Variants in ARSB observed in about 807,000 individuals in gnomAD.
ARSB encodes arylsulfatase B.
In ARSB, 41 loss-of-function variants were observed where a neutral mutation model predicts 50.9. The observed-to-expected ratio is 0.81, with a 90% CI of 0.63 to 1.04. The LOEUF is 1.04. Among genes scored for constraint, ARSB ranks in the 50% least tolerant of loss-of-function variants. The probability of loss-of-function intolerance (pLI) is 0.00; values close to 1 mark genes in which losing one functional copy is unlikely to be tolerated. For missense variants in ARSB, 672 were observed against 693.3 expected, an observed-to-expected ratio of 0.97 and a Z score of 0.35; for synonymous variants, 269 against 284.8, an observed-to-expected ratio of 0.94 and a Z score of 0.56.
intron 6 of ARSB, among the ~76,000 whole-genome samples, chr5:78,818,475 C>T (rs1744085170): frequency 6.6e-6 from 1 of 152,122 alleles, no homozygotes; most frequent in African/African-American, 2.4e-5. Flanking sequence ...CAGGGCTTTA[C>T]CCAAACTACA....
chr5:78,944,246 G>A (rs954420491), intron 4 of ARSB, among the ~76,000 whole-genome samples: 4 of 152,152 alleles, frequency 2.6e-5, no homozygotes, highest in African/African-American at 9.7e-5. Context: ...GCTCGGAGAA[G>A]TTTGATCGTC....
intron 5 of ARSB, among the ~76,000 whole-genome samples, chr5:78,851,105 T>G (rs1745751002): frequency 6.6e-6 from 1 of 152,218 alleles, no homozygotes; most frequent in Admixed American, 6.5e-5. Context: ...CTGCTAGCTT[T>G]TGAATGTGTT....
intron 4 of ARSB, among the ~76,000 whole-genome samples, chr5:78,919,484 C>CATTT (rs202013064): frequency 0.014 from 2,176 of 151,854 alleles, 45 homozygotes; most frequent in South Asian, 0.09. Context: ...TTCATTTATT[C>CATTT]ATTTATTTAT....
chr5:78,810,302 T>C (rs1414690679), intron 6 of ARSB, among the ~76,000 whole-genome samples: 1 of 152,222 alleles, frequency 6.6e-6, no homozygotes, highest in Non-Finnish European at 1.5e-5. Flanking sequence ...CATGACTTTC[T>C]TGTACCCTTG....
intron 6 of ARSB, chr5:78,783,340 G>C (rs926393687): frequency 6.6e-6 from 1 of 151,986 alleles, no homozygotes; most frequent in African/African-American, 2.4e-5. Flanking sequence ...CTGTGCTCCT[G>C]GGGTTTTCAT....
chr5:78,933,317 A>C (rs1235651125), intron 4 of ARSB, among the ~76,000 whole-genome samples: 1 of 152,196 alleles, frequency 6.6e-6, no homozygotes, highest in East Asian at 1.9e-4. Flanking sequence ...AAAATCCCTA[A>C]GTAGAAGAAA....
intron 4 of ARSB, among the ~76,000 whole-genome samples, chr5:78,940,598 T>C (rs1375379726): frequency 2.0e-5 from 3 of 152,232 alleles, no homozygotes; most frequent in African/African-American, 7.2e-5. Flanking sequence ...TAGTTAAAGA[T>C]ATGTGGCATT....
At chr5:78,902,930 T>C (rs1363624998) in intron 4 of ARSB, among the ~76,000 whole-genome samples, 1 of 152,168 alleles carries the variant, frequency 6.6e-6, no homozygotes, top group African/African-American at 2.4e-5. Flanking sequence ...ATGAATTATA[T>C]CTCAATAAAA....
At chr5:78,947,365 T>C (rs969457283) in intron 4 of ARSB, among the ~76,000 whole-genome samples, 1 of 152,082 alleles carries the variant, frequency 6.6e-6, no homozygotes, top group Non-Finnish European at 1.5e-5. Context: ...GGAGAAAATA[T>C]CTGCAAACTA....
rs1752334865 is a variant in ARSB at position 78,969,082 on chromosome 5, A to G, written c.423T>C (p.His141=). 2.5e-6 allele frequency: 4 copies of G among 1,613,998 alleles called. No individual in the cohort carries two copies. The South Asian group carries it at 4.4e-5, about 18-fold the overall frequency. The change falls in exon 2 of 8, where the codon CAT becomes CAC. Residue 141 remains histidine (H), a synonymous_variant. Coordinates refer to ENST00000264914, the MANE Select transcript of ARSB (RefSeq NM_000046.5). ...QLLKEAGYTT[H]MVGKWHLGMY... Reference sequence around the variant, plus strand: ...TTCCCAGGTGCCATTTTCCGACCATATGGGTAGTATAACCTGCTTCTTTTA... The same window carrying G: ...TTCCCAGGTGCCATTTTCCGACCATGTGGGTAGTATAACCTGCTTCTTTTA...
At chr5:78,826,057 T>C (rs1345673125) in intron 6 of ARSB, among the ~76,000 whole-genome samples, 1 of 151,782 alleles carries the variant, frequency 6.6e-6, no homozygotes, top group African/African-American at 2.4e-5. Context: ...TTCTTTCTTT[T>C]TTTTTTTTTG....
intron 3 of ARSB, among the ~76,000 whole-genome samples, chr5:78,959,505 C>T (rs1232126169): frequency 6.6e-6 from 1 of 151,850 alleles, no homozygotes; most frequent in Non-Finnish European, 1.5e-5. Context: ...CCCAAGAGGC[C>T]ATCCTTAAAC....
At chr5:78,970,294 T>C (rs1213415634) in intron 1 of ARSB, among the ~76,000 whole-genome samples, 1 of 152,232 alleles carries the variant, frequency 6.6e-6, no homozygotes, top group Non-Finnish European at 1.5e-5. Flanking sequence ...CAAACTTCTA[T>C]TAGTAGAAAA....
chr5:78,919,484 C>CATTTATTTATTTATTTATTT (rs202013064), intron 4 of ARSB, among the ~76,000 whole-genome samples: 1 of 151,744 alleles, frequency 6.6e-6, no homozygotes, highest in African/African-American at 2.4e-5. Flanking sequence ...TTCATTTATT[C>CATTTATTTATTTATTTATTT]ATTTATTTAT....
intron 6 of ARSB, among the ~76,000 whole-genome samples, chr5:78,838,666 C>T (rs932815049): frequency 7.9e-5 from 12 of 152,176 alleles, no homozygotes; most frequent in Non-Finnish European, 1.6e-4. Flanking sequence ...GGCAAAGGGT[C>T]TAATTGCTAA....
chr5:78,956,370 G>A (rs954861755), intron 3 of ARSB, among the ~76,000 whole-genome samples: 4 of 152,124 alleles, frequency 2.6e-5, no homozygotes, highest in African/African-American at 9.7e-5. Context: ...AATTGTGGGG[G>A]AGAGGAATGG....
At chr5:78,822,660 C>T (rs970554956) in intron 6 of ARSB, among the ~76,000 whole-genome samples, 8 of 152,098 alleles carry the variant, frequency 5.3e-5, no homozygotes, top group African/African-American at 1.9e-4. Flanking sequence ...TTTTTTGAGA[C>T]GGAGTCTTGC....
chr5:78,947,511 G>A (rs989057872), intron 4 of ARSB, among the ~76,000 whole-genome samples: 1 of 152,086 alleles, frequency 6.6e-6, no homozygotes, highest in African/African-American at 2.4e-5. Context: ...CATATAAACG[G>A]CAAACAGGTA....
intron 4 of ARSB, among the ~76,000 whole-genome samples, chr5:78,908,282 C>T (rs557214963): frequency 4.6e-5 from 7 of 152,252 alleles, no homozygotes; most frequent in African/African-American, 1.4e-4. Flanking sequence ...CCCCCTCCCC[C>T]GACTTCCACT....
Sources: allele counts gnomAD v4.1 joint callset (sites outside exome capture counted in the v4.1 genomes callset), GRCh38; gene constraint gnomAD v4.1.1; transcripts MANE v1.5; gene names NCBI Gene and HGNC (gene_info 2026-07-23, HGNC 2026-07-21).